Variants in TLE2 observed in about 807,000 individuals in gnomAD.
TLE2 encodes TLE family member 2, transcriptional corepressor.
Under a neutral mutation model 97.2 loss-of-function variants are expected in TLE2, and 74 were observed. The ratio of observed to expected loss-of-function variants is 0.76; its 90% CI spans 0.63 to 0.92. The LOEUF is 0.92. TLE2 is among the 40% of genes least tolerant of loss of function. The pLI, the probability that TLE2 is intolerant of heterozygous loss-of-function variation, is 0.00. For missense variants in TLE2, 1,038 were observed against 1,008.7 expected (o/e 1.03, Z -0.39); for synonymous variants, 499 against 432.1 (o/e 1.15, Z -1.92).
intron 5 of TLE2, among the ~76,000 whole-genome samples, chr19:3,023,673 G>A (rs933535015): frequency 6.6e-5 from 10 of 152,014 alleles, no homozygotes; most frequent in Non-Finnish European, 1.5e-4. Context: ...CGGGCGGATT[G>A]CTTGAGTCCG....
In TLE2 at chr19:3,019,192, C is replaced by A; in HGVS notation, c.550+91G>T. 1 of 1,483,126 alleles carries A rather than the reference C, an allele frequency of 6.7e-7. No homozygotes were observed. Among genetic ancestry groups the A allele is most frequent in the Non-Finnish European group, 9.0e-7 (1 of 1,109,772 alleles). The allele number at this position is 1,483,126 out of a possible 1,614,324, so 91.9% of individuals were successfully genotyped here. ...GGATTATAGGCATGAGCCACTTCAT[C>A]CCCTCACGCTGATGTTTGCTACCCT... On this transcript the variant is annotated intron_variant, in intron 7 of 19. Transcript: ENST00000262953. This position sits in a 1 kb window ranked among gnomAD's most constrained non-coding sequence, Gnocchi z 5.1.
rs537688698 is a variant in TLE2, at chr19:3,015,731, G to C, written c.600C>G (p.Leu200=). The change falls in exon 9 of 20, where the codon CTC becomes CTG. Residue 200 remains leucine, a synonymous_variant. Coordinates refer to ENST00000262953, the MANE Select transcript of TLE2 (RefSeq NM_003260.5). ...RSASPSPPES[L]VEEERPSGPG... ...GGCCACTCGGTCGCTCCTCCTCCAC[G>C]AGACTCTCAGGGGGCGAGGGAGATG... 3 of 1,610,748 alleles carry C rather than the reference G, an allele frequency of 1.9e-6. No individual in the cohort carries two copies. The highest frequency in any genetic ancestry group is 2.2e-5 in the South Asian group (2 of 90,480).
At chr19:3,026,774 G>C (rs1007021886) in intron 4 of TLE2, among the ~76,000 whole-genome samples, 2 of 150,532 alleles carry the variant, frequency 1.3e-5, no homozygotes, top group African/African-American at 4.9e-5. Flanking sequence ...TACACAGATA[G>C]GACAATCTCA....
chr19:3,032,959 A>T (rs1173551871), upstream of TLE2, among the ~76,000 whole-genome samples: 1 of 146,872 alleles, frequency 6.8e-6, no homozygotes. The surrounding 1 kb of genome is among the most constrained non-coding windows in gnomAD (Gnocchi z 4.1). Flanking sequence ...TTTTTGACGG[A>T]GTCATGCTCT....
chr19:3,007,737 TA>T (rs1260602393), intron 14 of TLE2, among the ~76,000 whole-genome samples: 1 of 152,154 alleles, frequency 6.6e-6, no homozygotes, highest in Non-Finnish European at 1.5e-5. Flanking sequence ...GGGTCTGTCC[TA>T]GGAGCCCCGG....
At chr19:3,017,240 T>TA (rs2145170491) in intron 8 of TLE2, among the ~76,000 whole-genome samples, 1 of 120,922 alleles carries the variant, frequency 8.3e-6, no homozygotes, top group Admixed American at 8.1e-5. Context: ...CAGGTCCAAG[T>TA]GATTCTCCTG....
At chr19:3,016,663 GAGC>G (rs2089713172) in intron 8 of TLE2, among the ~76,000 whole-genome samples, 1 of 151,996 alleles carries the variant, frequency 6.6e-6, no homozygotes, top group African/African-American at 2.4e-5. Context: ...TTCTGTTGGG[GAGC>G]ACCCACAGAT....
At chr19:3,021,742 C>A (rs2089848406) in intron 5 of TLE2, among the ~76,000 whole-genome samples, 1 of 151,826 alleles carries the variant, frequency 6.6e-6, no homozygotes, top group African/African-American at 2.4e-5. Flanking sequence ...ACCACCACAC[C>A]CAACTAATTT....
upstream of TLE2, among the ~76,000 whole-genome samples, chr19:3,046,360 G>A (rs2090140965): frequency 6.6e-6 from 1 of 152,242 alleles, no homozygotes; most frequent in African/African-American, 2.4e-5. Context: ...TGGCCGGCCT[G>A]ACTGTGAATG....
At chr19:3,002,319 T>G in intron 18 of TLE2, 34 bp downstream of exon 18, 1 of 1,575,244 alleles carries the variant, frequency 6.3e-7, no homozygotes, top group Non-Finnish European at 8.6e-7. Context: ...TGTTGGGGTT[T>G]TGAGGGCGTG....
upstream of TLE2, among the ~76,000 whole-genome samples, chr19:3,046,839 A>C (rs2145242511): frequency 6.7e-6 from 1 of 149,846 alleles, no homozygotes; most frequent in East Asian, 2.0e-4. Flanking sequence ...ATATGGGCCC[A>C]CCCCAGTCCT....
chr19:3,008,634 A>G (rs907330114), intron 14 of TLE2, among the ~76,000 whole-genome samples: 1 of 152,162 alleles, frequency 6.6e-6, no homozygotes, highest in Non-Finnish European at 1.5e-5. Flanking sequence ...TATTTTTAGC[A>G]GAGACATGGT....
At chr19:3,028,453 G>A in intron 2 of TLE2, 71 bp from the exon 3 acceptor site, 1 of 1,455,650 alleles carries the variant, frequency 6.9e-7, no homozygotes, top group Non-Finnish European at 9.3e-7. Flanking sequence ...TGAGAGGCTG[G>A]ATCTCCCCCT....
upstream of TLE2, chr19:3,029,447 G>A (rs189899504): frequency 0.011 from 10,395 of 962,140 alleles, 682 homozygotes; most frequent in African/African-American, 0.15. Context: ...GGAAACTGAG[G>A]CCGGGTGGGG....
chr19:3,013,589 C>G (rs1348416279), intron 11 of TLE2, 80 bp downstream of exon 11: 6 of 1,256,338 alleles, frequency 4.8e-6, no homozygotes, highest in South Asian at 6.9e-5. Flanking sequence ...CATCACTGCC[C>G]TCTGCATCAT....
Position 3,019,194 on chromosome 19 carries a change from C to T in TLE2, c.550+89G>A, listed in dbSNP as rs2089783384. 4 of 1,495,262 alleles carry T rather than the reference C, an allele frequency of 2.7e-6. No individual in the cohort carries two copies. In the East Asian group the frequency reaches 7.4e-5, roughly 28 times the overall value. 92.6% of individuals were successfully genotyped at this position (1,495,262 alleles called of 1,614,324 possible). A position where few individuals can be genotyped will look rare whatever the true frequency, so the allele number is the denominator to read the frequency against. ...ATTATAGGCATGAGCCACTTCATCC[C>T]CTCACGCTGATGTTTGCTACCCTGG... On this transcript the variant is annotated intron_variant, in intron 7 of 19. Coordinates refer to ENST00000262953, the MANE Select transcript of TLE2 (RefSeq NM_003260.5). The surrounding 1 kb of genome is among the most constrained non-coding windows in gnomAD (Gnocchi z 5.1).
At chr19:3,016,419 CAAAAAA>C (rs34669546) in intron 8 of TLE2, among the ~76,000 whole-genome samples, 12 of 91,552 alleles carry the variant, frequency 1.3e-4, no homozygotes, top group East Asian at 3.5e-4. Context: ...ACTAAAAATA[CAAAAAA>C]AAAAAAAAAA....
Position 2,997,861 on chromosome 19 carries a change from T to G in TLE2, c.2219A>C (p.Glu740Ala). 6.2e-7 allele frequency: 1 copy of G among 1,608,214 alleles called. No homozygotes were observed. Among genetic ancestry groups the G allele is most frequent in the East Asian group, 2.2e-5 (1 of 44,772 alleles). The change falls in exon 20 of 20, where the codon GAG becomes GCG. Residue 740 changes from glutamate (E) to alanine (A), a missense_variant. Glu to Ala is a moderately radical substitution (Grantham distance 107, BLOSUM62 -1). Coordinates refer to ENST00000262953, the MANE Select transcript of TLE2 (RefSeq NM_003260.5). ...GSGDKKATVY[E>A]VVY ...GGGGGTCATGTCTCAGTAGACCACCTCATACACGGTGGCCTTCTTGTCCCC... is the reference window on the plus strand; with the variant it reads ...GGGGGTCATGTCTCAGTAGACCACCGCATACACGGTGGCCTTCTTGTCCCC...
At position 2,997,693 on chromosome 19, in the gene TLE2, C is replaced by G; in HGVS notation, c.*155G>C. The G allele has an allele frequency of 1.7e-6, 1 of 601,188 alleles. No individual in the cohort carries two copies. Among genetic ancestry groups the G allele is most frequent in the East Asian group, 2.8e-5 (1 of 35,844 alleles). 37.2% of individuals were successfully genotyped at this position (601,188 alleles called of 1,614,324 possible). ...CCGAGGTCCCCTGCCCATCGGCCCC[C>G]ACATGCAGCAGGGGAAGGTGTGAAG... is the stretch of plus-strand genomic sequence containing the variant. On this transcript the variant is annotated 3_prime_UTR_variant, in exon 20 of 20. Coordinates refer to ENST00000262953, the MANE Select transcript of TLE2 (RefSeq NM_003260.5).
Sources: allele counts gnomAD v4.1 joint callset (sites outside exome capture counted in the v4.1 genomes callset), GRCh38; gene constraint gnomAD v4.1.1; non-coding constraint Gnocchi (gnomAD v3.1); transcripts MANE v1.5; gene names NCBI Gene and HGNC (gene_info 2026-07-23, HGNC 2026-07-21).